Variants in VRK2 observed in about 807,000 individuals in gnomAD.
VRK2 encodes serine/threonine-protein kinase VRK2.
Under a neutral mutation model 57.6 loss-of-function variants are expected in VRK2, and 60 were observed. The observed-to-expected ratio is 1.04, with a 90% CI of 0.85 to 1.29. The LOEUF (loss-of-function observed/expected upper bound fraction) is 1.29. Among genes scored for constraint, VRK2 ranks in the 50% most tolerant of loss-of-function variants. VRK2 has a pLI of 0.00. For synonymous variants in VRK2, 231 were observed against 199.2 expected (o/e 1.16, Z -1.35); for missense variants, 705 against 588.1 (o/e 1.20, Z -2.06).
chr2:58,023,854 C>G (rs924386302), intron 1 of VRK2, among the ~76,000 whole-genome samples: 23 of 151,948 alleles, frequency 1.5e-4, no homozygotes, highest in African/African-American at 5.3e-4. Context: ...AATATAGAAG[C>G]TTTGGAGAGG....
At chr2:58,072,380 G>C (rs1669475069) in intron 2 of VRK2, among the ~76,000 whole-genome samples, 1 of 151,934 alleles carries the variant, frequency 6.6e-6, no homozygotes, top group Non-Finnish European at 1.5e-5. Context: ...TTTCTCAGCA[G>C]TAAGTTTAAT....
chr2:58,129,104 A>G (rs1283057862), intron 8 of VRK2, among the ~76,000 whole-genome samples: 1 of 152,212 alleles, frequency 6.6e-6, no homozygotes. Context: ...GCTATTAATA[A>G]TATTTAGAAA....
chr2:58,089,558 A>C, intron 6 of VRK2, 73 bp from the exon 7 acceptor site: 1 of 894,348 alleles, frequency 1.1e-6, no homozygotes, highest in Non-Finnish European at 1.7e-6. Context: ...ATGTTATTCT[A>C]TATTCAAAAT....
chr2:58,099,515 C>G (rs1048055085), intron 7 of VRK2, among the ~76,000 whole-genome samples: 2 of 151,988 alleles, frequency 1.3e-5, no homozygotes, highest in African/African-American at 4.8e-5. Flanking sequence ...TTATTGACTG[C>G]TTAAGGCATG....
intron 7 of VRK2, among the ~76,000 whole-genome samples, chr2:58,091,689 G>A (rs111668013): frequency 1.4e-4 from 21 of 151,342 alleles, no homozygotes; most frequent in Admixed American, 4.0e-4. Flanking sequence ...ATATCTAGCC[G>A]GTACTAAAAA....
At chr2:58,058,524 T>G in intron 2 of VRK2, 2 of 398,422 alleles carry the variant, frequency 5.0e-6, no homozygotes, top group Non-Finnish European at 1.0e-5. Context: ...CTCTTAGACA[T>G]AATGTTACCA....
chr2:58,074,376 G>GT lies in VRK2; in HGVS notation c.137-9705dup, dbSNP rs571685535. Among the ~76,000 whole-genome samples, 95 of 151,182 alleles carry GT rather than the reference G, an allele frequency of 6.3e-4. No homozygotes were observed. In the East Asian group the frequency reaches 0.01, roughly 16 times the overall value. Reference sequence around the variant, plus strand: ...CTTGTTCTTTCTTGGTTTTTTATCTGTTTTTTTTGCCTTCTCTGTTTTTAA... The same window carrying GT: ...CTTGTTCTTTCTTGGTTTTTTATCTGTTTTTTTTTGCCTTCTCTGTTTTTAA... On this transcript the variant is annotated intron_variant, in intron 2 of 12. Transcript: ENST00000340157.
At chr2:57,932,345 G>T (rs1249430039) in intron 1 of VRK2, among the ~76,000 whole-genome samples, 1 of 151,964 alleles carries the variant, frequency 6.6e-6, no homozygotes, top group African/African-American at 2.4e-5. Flanking sequence ...TTTTTCCGGA[G>T]ATTTTTGATT....
intron 10 of VRK2, among the ~76,000 whole-genome samples, chr2:58,139,441 A>G (rs1681009544): frequency 6.6e-6 from 1 of 152,144 alleles, no homozygotes. Context: ...CAACAAAAAT[A>G]TGTTAAAAAC....
intron 3 of VRK2, among the ~76,000 whole-genome samples, chr2:58,038,936 A>T (rs917360007): frequency 6.6e-6 from 1 of 152,140 alleles, no homozygotes; most frequent in Non-Finnish European, 1.5e-5. Flanking sequence ...AAACAAAAAA[A>T]CCCTAAATAT....
chr2:58,083,707 A>G (rs1671213315), intron 2 of VRK2, among the ~76,000 whole-genome samples: 1 of 151,844 alleles, frequency 6.6e-6, no homozygotes, highest in Admixed American at 6.6e-5. Flanking sequence ...TTTACTGTGT[A>G]TTATATATTG....
rs1337660755 is a variant in VRK2, at chr2:58,086,465, C to G, written c.344+39C>G. 4.0e-6 allele frequency: 6 copies of G among 1,514,412 alleles called. No individual in the cohort carries two copies. In the South Asian group the frequency reaches 7.4e-5, roughly 19 times the overall value. 93.8% of individuals were successfully genotyped at this position (1,514,412 alleles called of 1,614,324 possible). ...ATTATAATCAAATATTTCTTTATAA[C>G]TATTCCTTATGTGGTCTATGAGTTA... On this transcript the variant is annotated intron_variant, in intron 5 of 12. Coordinates refer to ENST00000340157, the MANE Select transcript of VRK2 (RefSeq NM_006296.7).
intron 1 of VRK2, among the ~76,000 whole-genome samples, chr2:57,927,248 G>T (rs1670569897): frequency 6.7e-6 from 1 of 150,002 alleles, no homozygotes; most frequent in Admixed American, 6.6e-5. Context: ...AGTTGTTGTA[G>T]CTATTATTTT....
intron 1 of VRK2, among the ~76,000 whole-genome samples, chr2:57,999,373 T>C (rs772233582): frequency 1.3e-5 from 2 of 152,148 alleles, no homozygotes; most frequent in Non-Finnish European, 2.9e-5. Flanking sequence ...ATAATACATA[T>C]CAAAAACTGT....
chr2:58,076,531 A>T (rs1015657409), intron 2 of VRK2, among the ~76,000 whole-genome samples: 4 of 152,036 alleles, frequency 2.6e-5, no homozygotes, highest in African/African-American at 4.8e-5. Flanking sequence ...CCTGTTGACC[A>T]TTGTAAGTTG....
At chr2:58,057,038 G>A (rs558696511) in intron 2 of VRK2, among the ~76,000 whole-genome samples, 6 of 152,126 alleles carry the variant, frequency 3.9e-5, no homozygotes, top group South Asian at 2.1e-4. Context: ...TATTTCAGAC[G>A]GTCACTATTT....
intron 11 of VRK2, among the ~76,000 whole-genome samples, chr2:58,140,302 A>T (rs1384484871): frequency 6.6e-6 from 1 of 152,066 alleles, no homozygotes; most frequent in Non-Finnish European, 1.5e-5. Context: ...CCAGAGATCT[A>T]GGTTAAAAAA....
At chr2:58,000,422 A>G (rs779914299) in intron 1 of VRK2, among the ~76,000 whole-genome samples, 3 of 152,202 alleles carry the variant, frequency 2.0e-5, no homozygotes, top group Non-Finnish European at 4.4e-5. Context: ...CTATCTTCTC[A>G]ACTTCATATT....
chr2:58,123,314 C>T (rs1677810046), intron 8 of VRK2, 81 bp downstream of exon 8: 3 of 1,508,038 alleles, frequency 2.0e-6, no homozygotes, highest in Admixed American at 5.0e-5. Context: ...ATGAAATGAC[C>T]TTTGCATAGT....
Sources: gnomAD v4.1 joint callset for allele counts (sites outside exome capture counted in the v4.1 genomes callset) on GRCh38, gnomAD v4.1.1 for gene constraint, MANE v1.5 for transcripts, NCBI Gene and HGNC (gene_info 2026-07-23, HGNC 2026-07-21) for gene names.